The following FAM110B variants were observed in gnomAD, a reference collection of about 807,000 sequenced individuals.
FAM110B encodes the protein family with sequence similarity 110 member B.
In FAM110B, 6 loss-of-function variants were observed where a neutral mutation model predicts 20.4. That is an observed-to-expected ratio of 0.29 (90% CI 0.16 to 0.58). The LOEUF (loss-of-function observed/expected upper bound fraction) is 0.58, where lower values mean the gene tolerates loss of function less well. Ranked by LOEUF, FAM110B falls within the 20% of genes least tolerant of loss-of-function variation. The pLI is 0.90. For synonymous variants in FAM110B, 226 were observed against 214.1 expected (o/e 1.06, Z -0.49); for missense variants, 434 against 498.2 (o/e 0.87, Z 1.23).
At chr8:58,060,507 C>T (rs1796759056) in intron 2 of FAM110B, among the ~76,000 whole-genome samples, 1 of 152,068 alleles carries the variant, frequency 6.6e-6, no homozygotes, top group African/African-American at 2.4e-5. Context: ...CAACCAAGAC[C>T]AGTGAGACTG....
rs112002799 is a variant in FAM110B, at chr8:58,085,462, G to A, written c.-325+9839G>A. Among the ~76,000 whole-genome samples, 1,163 of 152,232 alleles carry A rather than the reference G, an allele frequency of 7.6e-3. 12 individuals carry two copies. The highest frequency in any genetic ancestry group is 0.026 in the African/African-American group (1,087 of 41,514). ...CGGAAGATGGAAGTTGCAGTGAGCC[G>A]AGATCGCACCACTGCACTCCAGCCT... On this transcript the variant is annotated intron_variant, in intron 3 of 3. Coordinates refer to ENST00000519262, the MANE Select transcript of FAM110B (RefSeq NM_001377989.1).
chr8:58,028,184 G>A lies in FAM110B; in HGVS notation c.-511-3422G>A, dbSNP rs565860201. On this transcript the variant is annotated intron_variant, in intron 1 of 3. Coordinates refer to ENST00000519262, the MANE Select transcript of FAM110B (RefSeq NM_001377989.1). ...AGTGCTGCGGTCTCGGCTCACTGCA[G>A]CCTCCACCTCCTGGGTTCAAGTGAT... 4.6e-5 allele frequency among the ~76,000 whole-genome samples: 7 copies of A among 152,262 alleles called. No homozygotes were observed. The South Asian group carries it at 1.4e-3, about 31-fold the overall frequency.
At chr8:58,019,059 A>G (rs1012741557) in intron 1 of FAM110B, among the ~76,000 whole-genome samples, 2 of 152,184 alleles carry the variant, frequency 1.3e-5, no homozygotes, top group African/African-American at 4.8e-5. Context: ...AGAAAAGGCC[A>G]GGCGCGGTGG....
intron 1 of FAM110B, among the ~76,000 whole-genome samples, chr8:58,004,608 G>C (rs2150563160): frequency 6.6e-6 from 1 of 152,334 alleles, no homozygotes; most frequent in South Asian, 2.1e-4. Context: ...AGCCAGGCCT[G>C]GTTGTGCGTG....
At chr8:58,004,017 G>A (rs146568408) in intron 1 of FAM110B, among the ~76,000 whole-genome samples, 3,145 of 151,100 alleles carry the variant, frequency 0.021, 57 homozygotes, top group Non-Finnish European at 0.032. Context: ...GTGGAAGACA[G>A]TTTTTCCACG....
At chr8:58,137,138 C>T (rs867146722) in intron 3 of FAM110B, among the ~76,000 whole-genome samples, 5 of 152,350 alleles carry the variant, frequency 3.3e-5, no homozygotes, top group Middle Eastern at 6.8e-3. Flanking sequence ...AGAAATAGCA[C>T]AGGCCGTATC....
At chr8:58,128,928 T>C (rs899919862) in intron 3 of FAM110B, among the ~76,000 whole-genome samples, 2 of 152,224 alleles carry the variant, frequency 1.3e-5, no homozygotes, top group Non-Finnish European at 2.9e-5. Context: ...TGGCTCTTCA[T>C]AGACGTATTG....
chr8:58,021,108 T>A (rs1804744474), intron 1 of FAM110B, among the ~76,000 whole-genome samples: 1 of 152,250 alleles, frequency 6.6e-6, no homozygotes, highest in African/African-American at 2.4e-5. Context: ...AAATCTTCTA[T>A]ACATTTTTAA....
At chr8:58,100,427 C>G (rs1210870376) in intron 3 of FAM110B, among the ~76,000 whole-genome samples, 1 of 152,192 alleles carries the variant, frequency 6.6e-6, no homozygotes, top group Non-Finnish European at 1.5e-5. Flanking sequence ...AGCAAAATGC[C>G]ACAGACTGGG....
chr8:58,104,626 T>A (rs754841636), intron 3 of FAM110B, among the ~76,000 whole-genome samples: 13 of 152,236 alleles, frequency 8.5e-5, no homozygotes, highest in Non-Finnish European at 1.9e-4. Flanking sequence ...ATTACTACTA[T>A]TCTTAACCTA....
chr8:58,068,362 T>A (rs1174958337), intron 2 of FAM110B, among the ~76,000 whole-genome samples: 2 of 152,226 alleles, frequency 1.3e-5, no homozygotes, highest in African/African-American at 4.8e-5. Flanking sequence ...CCAGCACAAG[T>A]TTTCACTCTT....
chr8:58,084,390 T>C (rs1806276848), intron 3 of FAM110B, among the ~76,000 whole-genome samples: 1 of 150,542 alleles, frequency 6.6e-6, no homozygotes, highest in Non-Finnish European at 1.5e-5. Flanking sequence ...AATCTCCATT[T>C]TCCTTTTTTT....
chr8:58,036,466 A>G (rs1585830343), intron 2 of FAM110B, among the ~76,000 whole-genome samples: 1 of 152,350 alleles, frequency 6.6e-6, no homozygotes, highest in South Asian at 2.1e-4. Context: ...GCAGTCTTAA[A>G]AATCACTGAC....
chr8:58,032,386 A>G (rs1011858261), intron 2 of FAM110B: 1 of 152,218 alleles, frequency 6.6e-6, no homozygotes, highest in African/African-American at 2.4e-5. Context: ...AAACAAATAA[A>G]TGTTACAGAT....
chr8:58,132,833 G>A (rs996782359), intron 3 of FAM110B, among the ~76,000 whole-genome samples: 7 of 152,220 alleles, frequency 4.6e-5, no homozygotes, highest in African/African-American at 1.4e-4. Flanking sequence ...TTAAAACGTA[G>A]GAGAAAACTT....
intron 3 of FAM110B, among the ~76,000 whole-genome samples, chr8:58,138,895 G>A (rs1285810305): frequency 6.6e-6 from 1 of 152,336 alleles, no homozygotes; most frequent in Non-Finnish European, 1.5e-5. Context: ...CTGTAAAAAC[G>A]TTAGAAGGTA....
At chr8:58,048,708 C>G (rs1265604011) in intron 2 of FAM110B, among the ~76,000 whole-genome samples, 1 of 152,250 alleles carries the variant, frequency 6.6e-6, no homozygotes, top group Non-Finnish European at 1.5e-5. Context: ...TGTTGTCCTT[C>G]TCACTACATT....
At chr8:58,141,082 A>G (rs1304229052) in intron 3 of FAM110B, among the ~76,000 whole-genome samples, 3 of 152,224 alleles carry the variant, frequency 2.0e-5, no homozygotes, top group Non-Finnish European at 4.4e-5. Context: ...GCCGTGGGAA[A>G]CTGCATTTTT....
chr8:58,146,461 C>G lies in FAM110B; in HGVS notation c.231C>G (p.Pro77=), dbSNP rs2150646921. 4 of 1,613,508 alleles carry G rather than the reference C, an allele frequency of 2.5e-6. No homozygotes were observed. Among genetic ancestry groups the G allele is most frequent in the East Asian group, 2.2e-5 (1 of 44,854 alleles). The change falls in exon 4 of 4, where the codon CCC becomes CCG. Residue 77 remains proline (P), a synonymous_variant. Coordinates refer to ENST00000519262, the MANE Select transcript of FAM110B (RefSeq NM_001377989.1). ...ACGCCAAGCAGGAGCCCGTGAAGCCCGCCGTGCTGGCCAAGCCCCCGGTGT... is the reference window on the plus strand; with the variant it reads ...ACGCCAAGCAGGAGCCCGTGAAGCCGGCCGTGCTGGCCAAGCCCCCGGTGT... ...VINAKQEPVK[P]AVLAKPPVCP... is the part of the protein sequence containing the mutation.
Sources: allele counts gnomAD v4.1 joint callset (sites outside exome capture counted in the v4.1 genomes callset), GRCh38; gene constraint gnomAD v4.1.1; transcripts MANE v1.5; gene names NCBI Gene and HGNC (gene_info 2026-07-23, HGNC 2026-07-21).